Variants in NDRG2 observed in about 807,000 individuals in gnomAD.
The protein encoded by NDRG2 is NDRG family member 2.
In NDRG2, 34 loss-of-function variants were observed where a neutral mutation model predicts 58.2. The ratio of observed to expected loss-of-function variants is 0.58; its 90% CI spans 0.44 to 0.78. The LOEUF is 0.78. Ranked by LOEUF, NDRG2 falls within the 30% of genes least tolerant of loss-of-function variation. The pLI, the probability that NDRG2 is intolerant of heterozygous loss-of-function variation, is 0.00. For synonymous variants in NDRG2, 187 were observed against 175.9 expected, an observed-to-expected ratio of 1.06 and a Z score of -0.50; for missense variants, 434 against 471.2, an observed-to-expected ratio of 0.92 and a Z score of 0.73.
In NDRG2 at chr14:21,051,593, T is replaced by TGGG. The variant is rs879865583; in HGVS notation, c.24+19234_24+19235insCCC. ...CAGTCCTCCCGCAGAGACAAGCTCATAGTGCAAATGGGCACCATAGGAAGG... is the reference window on the plus strand; with the variant it reads ...CAGTCCTCCCGCAGAGACAAGCTCATGGGAGTGCAAATGGGCACCATAGGAAGG... On this transcript the variant is annotated intron_variant, in intron 1 of 14. Coordinates refer to the NDRG2 transcript ENST00000403829. 7.2e-3 allele frequency among the ~76,000 whole-genome samples: 1,091 copies of TGGG among 152,246 alleles called. 5 individuals are homozygous for TGGG. Among genetic ancestry groups the TGGG allele is most frequent in the Non-Finnish European group, 0.01 (696 of 68,014 alleles).
intron 1 of NDRG2, among the ~76,000 whole-genome samples, chr14:21,069,469 G>A (rs928924250): frequency 6.6e-6 from 1 of 152,244 alleles, no homozygotes; most frequent in Non-Finnish European, 1.5e-5. Context: ...CGAATAGAGA[G>A]GTAGGGATGC....
chr14:21,067,304 G>A (rs896609999), intron 1 of NDRG2, among the ~76,000 whole-genome samples: 3 of 151,510 alleles, frequency 2.0e-5, no homozygotes, highest in African/African-American at 7.3e-5. Flanking sequence ...TCTGACCCAC[G>A]GGGACATATC....
chr14:21,035,419 A>G (rs995914034), intron 1 of NDRG2, among the ~76,000 whole-genome samples: 1 of 152,200 alleles, frequency 6.6e-6, no homozygotes, highest in Non-Finnish European at 1.5e-5. Flanking sequence ...CCACGCTCCT[A>G]TCTTTTTCAT....
chr14:21,034,877 C>T (rs1249284356), intron 1 of NDRG2: 1 of 153,144 alleles, frequency 6.5e-6, no homozygotes, highest in African/African-American at 2.4e-5. Flanking sequence ...ACTATCTGGT[C>T]TCCTCCTCTA....
rs751775019 is a variant in NDRG2, at chr14:21,019,755, A to G, written c.613-13T>C. On this transcript the variant is annotated splice_polypyrimidine_tract_variant and intron_variant, in intron 9 of 15. Transcript: ENST00000556147. Reference sequence around the variant, plus strand: ...CAGAGAGCTCTTCCTGAAGGAGAGAACAAGGAGAAAAATTAGGGATGGAAA... The same window carrying G: ...CAGAGAGCTCTTCCTGAAGGAGAGAGCAAGGAGAAAAATTAGGGATGGAAA... The G allele has an allele frequency of 6.3e-7, 1 of 1,589,736 alleles. No individual in the cohort carries two copies. The highest frequency in any genetic ancestry group is 2.2e-5 in the East Asian group (1 of 44,686).
chr14:21,050,838 G>C (rs138516645), intron 1 of NDRG2, among the ~76,000 whole-genome samples: 23 of 152,312 alleles, frequency 1.5e-4, no homozygotes, highest in African/African-American at 5.1e-4. Flanking sequence ...CATCATGTCT[G>C]TAACTTGTTC....
Position 21,070,729 on chromosome 14 carries a change from C to T in NDRG2, c.24+99G>A. Reference sequence around the variant, plus strand: ...GCCTTCCTTTCCTGGAGCTTCCCTCCCCCTCCTGGTCCGAGCTCCTTACCC... The same window carrying T: ...GCCTTCCTTTCCTGGAGCTTCCCTCTCCCTCCTGGTCCGAGCTCCTTACCC... On this transcript the variant is annotated intron_variant, in intron 1 of 14. Coordinates refer to the NDRG2 transcript ENST00000403829. The surrounding 1 kb of genome is among the most constrained non-coding windows in gnomAD (Gnocchi z 4.7). 7.5e-7 allele frequency: 1 copy of T among 1,335,266 alleles called. No individual in the cohort carries two copies. Among genetic ancestry groups the T allele is most frequent in the Non-Finnish European group, 1.0e-6 (1 of 970,390 alleles). The allele number at this position is 1,335,266 out of a possible 1,614,324, so 82.7% of individuals were successfully genotyped here. A position where few individuals can be genotyped will look rare whatever the true frequency, so the allele number is the denominator to read the frequency against.
At chr14:21,060,311 T>C (rs1342346493) in intron 1 of NDRG2, among the ~76,000 whole-genome samples, 7 of 151,862 alleles carry the variant, frequency 4.6e-5, no homozygotes, top group Non-Finnish European at 1.0e-4. Flanking sequence ...CCCCACAGCC[T>C]CCAGCCCCCT....
chr14:21,022,434 T>C lies in NDRG2; in HGVS notation c.181A>G (p.Lys61Glu), dbSNP rs764592193. ...TGGTAGGTAAGGATCGCTGGGCGTT[T>C]GGGTTTGGGGGTGCCATAGACAGTG... ...TFTVYGTPKP[K>E]RPAILTYHDV... Residue 61 changes from lysine (K) to glutamate (E), a missense_variant, in exon 4 of 16, where the codon AAA becomes GAA. Transcript: ENST00000556147. 3 of 1,613,906 alleles carry C rather than the reference T, an allele frequency of 1.9e-6. No homozygotes were observed. The highest frequency in any genetic ancestry group is 2.5e-6 in the Non-Finnish European group (3 of 1,179,972).
Position 21,024,055 on chromosome 14 carries a change from G to A in NDRG2, c.-32C>T. ...TGGGCTCCTATTGGCTGGATGCAGTGGGATTAGGGGTCAGGGTTCTCACTC... is the reference window on the plus strand; with the variant it reads ...TGGGCTCCTATTGGCTGGATGCAGTAGGATTAGGGGTCAGGGTTCTCACTC... On this transcript the variant is annotated 5_prime_UTR_variant, in exon 1 of 16. Coordinates refer to ENST00000556147, the MANE Select transcript of NDRG2 (RefSeq NM_001320329.2). The A allele has an allele frequency of 1.0e-6, 1 of 985,586 alleles. No individual in the cohort carries two copies. Among genetic ancestry groups the A allele is most frequent in the Non-Finnish European group, 1.2e-6 (1 of 830,050 alleles). The allele number at this position is 985,586 out of a possible 1,614,324, so 61.1% of individuals were successfully genotyped here.
In NDRG2 at chr14:21,070,286, C is replaced by T. The variant is rs974883530; in HGVS notation, c.24+542G>A. 7.0e-6 allele frequency: 8 copies of T among 1,149,548 alleles called. No homozygotes were observed. The highest frequency in any genetic ancestry group is 8.7e-6 in the Non-Finnish European group (8 of 917,074). 71.2% of individuals were successfully genotyped at this position (1,149,548 alleles called of 1,614,324 possible). ...GAGCGGGCCGAGCCGCCACCGCGGCCGGAGCTGTCCCTTAGCCAGACCCGG... is the reference window on the plus strand; with the variant it reads ...GAGCGGGCCGAGCCGCCACCGCGGCTGGAGCTGTCCCTTAGCCAGACCCGG... On this transcript the variant is annotated intron_variant, in intron 1 of 14. Coordinates refer to the NDRG2 transcript ENST00000403829. This position sits in a 1 kb window ranked among gnomAD's most constrained non-coding sequence, Gnocchi z 4.7.
intron 1 of NDRG2, 157 bp from the exon 2 acceptor site, chr14:21,023,478 C>T: frequency 1.6e-6 from 1 of 634,926 alleles, no homozygotes; most frequent in Non-Finnish European, 2.8e-6. Flanking sequence ...TTCCTGCCCC[C>T]AGCTCCGTTT....
intron 1 of NDRG2, among the ~76,000 whole-genome samples, chr14:21,056,960 C>T (rs993364450): frequency 6.6e-6 from 1 of 152,194 alleles, no homozygotes; most frequent in African/African-American, 2.4e-5. Flanking sequence ...GCTGCTTTGA[C>T]AGCTGGAGCT....
chr14:21,047,817 A>C (rs1885264200), intron 1 of NDRG2, among the ~76,000 whole-genome samples: 1 of 152,154 alleles, frequency 6.6e-6, no homozygotes, highest in South Asian at 2.1e-4. Context: ...TATCTGAGGT[A>C]GACTGGGGAG....
Position 21,024,249 on chromosome 14 carries a change from GA to G in NDRG2, c.-227del. 1 of 985,380 alleles carries G rather than the reference GA, an allele frequency of 1.0e-6. No individual in the cohort carries two copies. The highest frequency in any genetic ancestry group is 1.2e-6 in the Non-Finnish European group (1 of 830,046). 61.0% of individuals were successfully genotyped at this position (985,380 alleles called of 1,614,324 possible). On this transcript the variant is annotated 5_prime_UTR_variant, in exon 1 of 16. Transcript: ENST00000556147. ...GTGTCTGTCTACCCCTAAGTCCAGA[GA>G]ACACGTCCTCTCTAGGCTCGAGCCG...
At chr14:21,053,936 T>G (rs1885572601) in intron 1 of NDRG2, among the ~76,000 whole-genome samples, 2 of 152,260 alleles carry the variant, frequency 1.3e-5, no homozygotes, top group African/African-American at 4.8e-5. Context: ...CCCAAGGTCA[T>G]GCAGCTAATT....
At chr14:21,059,769 C>T (rs1885861408) in intron 1 of NDRG2, among the ~76,000 whole-genome samples, 1 of 152,192 alleles carries the variant, frequency 6.6e-6, no homozygotes, top group Non-Finnish European at 1.5e-5. Flanking sequence ...AAGTGATCCA[C>T]CCACCTGGAC....
chr14:21,054,565 G>A (rs1324198582), intron 1 of NDRG2, among the ~76,000 whole-genome samples: 7 of 152,158 alleles, frequency 4.6e-5, no homozygotes, highest in Non-Finnish European at 1.0e-4. Context: ...TCCCCACTCT[G>A]TCACTTCAAA....
At chr14:21,021,450 G>A in intron 6 of NDRG2, 1 of 316,702 alleles carries the variant, frequency 3.2e-6, no homozygotes, top group Non-Finnish European at 6.1e-6. Flanking sequence ...CCATCCACCA[G>A]GTGTGGGCAT....
Sources: allele counts gnomAD v4.1 joint callset (sites outside exome capture counted in the v4.1 genomes callset), GRCh38; gene constraint gnomAD v4.1.1; non-coding constraint Gnocchi (gnomAD v3.1); transcripts MANE v1.5; gene names NCBI Gene and HGNC (gene_info 2026-07-23, HGNC 2026-07-21).